The following CEACAM3 variants were observed in gnomAD, a reference collection of about 807,000 sequenced individuals.
CEACAM3 encodes cell adhesion molecule CEACAM3.
Under a neutral mutation model 30.1 loss-of-function variants are expected in CEACAM3, and 32 were observed. That is an observed-to-expected ratio of 1.06 (90% CI 0.80 to 1.43). The LOEUF is 1.43. CEACAM3 is among the 40% of genes most tolerant of loss of function. The pLI is 0.00. For synonymous variants in CEACAM3, 134 were observed against 127.2 expected (o/e 1.05, Z -0.36); for missense variants, 290 against 316.3 (o/e 0.92, Z 0.63).
chr19:41,810,982 A>T, intron 6 of CEACAM3, 85 bp downstream of exon 6: 3 of 1,400,108 alleles, frequency 2.1e-6, no homozygotes, highest in Non-Finnish European at 3.0e-6. Context: ...GAGCTCTGAG[A>T]TTCAGGAAAC....
intron 2 of CEACAM3, among the ~76,000 whole-genome samples, chr19:41,802,818 T>C (rs1353263096): frequency 6.6e-6 from 1 of 152,226 alleles, no homozygotes; most frequent in Non-Finnish European, 1.5e-5. Context: ...GGAGCCTAAC[T>C]GGCCTGGCAG....
intron 2 of CEACAM3, among the ~76,000 whole-genome samples, chr19:41,808,017 A>G (rs111674523): frequency 2.5e-3 from 377 of 152,326 alleles, no homozygotes; most frequent in African/African-American, 8.7e-3. Context: ...AGTCAAGACA[A>G]TCACAGTCTC....
At position 41,809,996 on chromosome 19, in the gene CEACAM3, C is replaced by T; in HGVS notation, c.574C>T (p.Gln192Ter). The change falls in exon 4 of 7, where the codon CAG (glutamine) becomes TAG (stop). Residue 192 changes from glutamine (Q) to a stop codon, truncating the protein, a stop_gained. Transcript: ENST00000357396. LOFTEE classifies it high-confidence loss of function. ...CATCCAGCGTGACCTCAAGGAGCAG[C>T]AGCCCCAAGCCCTTGCCCCTGGTGA... ...TSIQRDLKEQ[Q>*]PQALAPGRGP... is the part of the protein sequence containing the mutation. 6.2e-7 allele frequency: 1 copy of T among 1,613,960 alleles called. No homozygotes were observed. Among genetic ancestry groups the T allele is most frequent in the Middle Eastern group, 1.7e-4 (1 of 6,058 alleles).
chr19:41,807,134 T>A (rs1555826884), intron 2 of CEACAM3: 3 of 1,599,054 alleles, frequency 1.9e-6, no homozygotes, highest in Non-Finnish European at 1.7e-6. Flanking sequence ...GCCCTCCATC[T>A]CCAGCAACAA....
intron 2 of CEACAM3, among the ~76,000 whole-genome samples, chr19:41,803,426 ATGTGTGTGTGTG>A (rs1164324050): frequency 7.8e-6 from 1 of 129,002 alleles, no homozygotes; most frequent in African/African-American, 2.8e-5. Flanking sequence ...TTGTGTGTGT[ATGTGTGTGTGTG>A]TGTGTGTGTG....
intron 3 of CEACAM3, 174 bp from the exon 4 acceptor site, chr19:41,809,791 C>G (rs748548230): frequency 1.0e-5 from 7 of 679,268 alleles, no homozygotes; most frequent in Non-Finnish European, 1.6e-5. Context: ...ATGTGGGTTC[C>G]TAAAGCCTTT....
At chr19:41,802,499 G>A (rs1026289769) in intron 2 of CEACAM3, among the ~76,000 whole-genome samples, 2 of 152,164 alleles carry the variant, frequency 1.3e-5, no homozygotes, top group African/African-American at 4.8e-5. Flanking sequence ...ACCAGCGCTG[G>A]GGTCAGAAAT....
rs1475809035 is a variant in CEACAM3, at chr19:41,797,677, G to T, written c.153G>T (p.Val51=). ...MPLSVAEGKE[V]LLLVHNLPQH... The stretch of plus-strand genomic sequence containing the variant: ...TCAGTGTCGCAGAGGGGAAGGAGGT[G>T]CTTCTACTTGTCCACAATCTGCCCC... The change falls in exon 2 of 7, where the codon GTG becomes GTT. Residue 51 remains valine, a synonymous_variant. Transcript: ENST00000357396. 8 of 1,614,132 alleles carry T rather than the reference G, an allele frequency of 5.0e-6. No homozygotes were observed. The highest frequency in any genetic ancestry group is 6.8e-6 in the Non-Finnish European group (8 of 1,180,030).
intron 2 of CEACAM3, among the ~76,000 whole-genome samples, chr19:41,799,853 G>A (rs1415431545): frequency 1.3e-5 from 2 of 152,106 alleles, no homozygotes; most frequent in Admixed American, 1.3e-4. Context: ...CCTGTTTCCT[G>A]TCCCTCCAGG....
At chr19:41,807,149 A>C in intron 2 of CEACAM3, 1 of 1,561,756 alleles carries the variant, frequency 6.4e-7, no homozygotes, top group Non-Finnish European at 8.7e-7. Context: ...CAACAACTCC[A>C]ACCCCAAGGA....
chr19:41,797,004 C>T (rs1172576663), intron 1 of CEACAM3: 4 of 391,686 alleles, frequency 1.0e-5, no homozygotes, highest in Non-Finnish European at 1.8e-5. Context: ...ATAAGAATTA[C>T]ATCAGGGTGA....
chr19:41,809,823 C>T (rs1222809784), intron 3 of CEACAM3, 142 bp from the exon 4 acceptor site: 1 of 772,946 alleles, frequency 1.3e-6, no homozygotes, highest in Non-Finnish European at 2.2e-6. Context: ...CTCTGCTGGG[C>T]TCCCCCTAAC....
chr19:41,810,544 C>G (rs2073241183), intron 5 of CEACAM3, among the ~76,000 whole-genome samples, 190 bp downstream of exon 5: 1 of 152,134 alleles, frequency 6.6e-6, no homozygotes, highest in Non-Finnish European at 1.5e-5. Context: ...CCTGTGCTGA[C>G]CCCTCCCCGG....
chr19:41,807,653 G>A, intron 2 of CEACAM3: 1 of 1,176,358 alleles, frequency 8.5e-7, no homozygotes, highest in Non-Finnish European at 1.1e-6. Context: ...TGGACAGATT[G>A]GGTTTCGTTA....
intron 3 of CEACAM3, 98 bp from the exon 4 acceptor site, chr19:41,809,867 C>A: frequency 8.4e-7 from 1 of 1,196,108 alleles, no homozygotes; most frequent in Non-Finnish European, 1.2e-6. Context: ...TCTCCATGCC[C>A]ATCCTTGAAA....
At chr19:41,805,363 C>T (rs1555826593) in intron 2 of CEACAM3, among the ~76,000 whole-genome samples, 2 of 144,738 alleles carry the variant, frequency 1.4e-5, no homozygotes, top group Admixed American at 1.4e-4. Context: ...GTGATCTTGG[C>T]TCACTGCAAC....
At chr19:41,804,864 C>G (rs1414644046) in intron 2 of CEACAM3, among the ~76,000 whole-genome samples, 1 of 150,544 alleles carries the variant, frequency 6.6e-6, no homozygotes, top group African/African-American at 2.5e-5. Flanking sequence ...ATAGTGAGAT[C>G]ATAACTCCTT....
At position 41,808,812 on chromosome 19, in the gene CEACAM3, G is replaced by T. The variant is rs2073224305; in HGVS notation, c.425-1G>T. On this transcript the variant is annotated splice_acceptor_variant, in intron 2 of 6. Transcript: ENST00000357396. LOFTEE classifies it high-confidence loss of function. ...TCCCCTTTGCCTTCTTCTTTCTGCA[G>T]AAGAAAATGCCCCAGGCCTTCCTGT... 6.2e-7 allele frequency: 1 copy of T among 1,612,988 alleles called. No individual in the cohort carries two copies. Among genetic ancestry groups the T allele is most frequent in the Non-Finnish European group, 8.5e-7 (1 of 1,179,260 alleles).
intron 6 of CEACAM3, 26 bp from the exon 7 acceptor site, chr19:41,811,146 T>A (rs893313482): frequency 7.4e-6 from 12 of 1,612,112 alleles, no homozygotes; most frequent in African/African-American, 1.3e-5. Flanking sequence ...ACTAGAGGGG[T>A]CCAGGCCTCT....
Sources: allele counts gnomAD v4.1 joint callset (sites outside exome capture counted in the v4.1 genomes callset), GRCh38; gene constraint gnomAD v4.1.1; transcripts MANE v1.5; gene names NCBI Gene and HGNC (gene_info 2026-07-23, HGNC 2026-07-21).